The following U2AF2 variants were observed in gnomAD, a reference collection of about 807,000 sequenced individuals.
The protein encoded by U2AF2 is splicing factor U2AF 65 kDa subunit.
A neutral mutation model predicts 52.6 loss-of-function variants in U2AF2; 6 were observed. The observed-to-expected ratio is 0.11, with a 90% CI of 0.06 to 0.23. The LOEUF (loss-of-function observed/expected upper bound fraction) is 0.23. Ranked by LOEUF, U2AF2 falls within the 10% of genes least tolerant of loss-of-function variation. The pLI, the probability that U2AF2 is intolerant of heterozygous loss-of-function variation, is 1.00. For missense variants in U2AF2, 222 were observed against 677.1 expected (o/e 0.33, Z 7.46); for synonymous variants, 284 against 258.2 (o/e 1.10, Z -0.96).
Position 55,667,025 on chromosome 19 carries a change from C to A in U2AF2, c.743-1482C>A, listed in dbSNP as rs139231017. 8.1e-3 allele frequency among the ~76,000 whole-genome samples: 1,226 copies of A among 152,238 alleles called. 13 individuals carry two copies. Among genetic ancestry groups the A allele is most frequent in the Non-Finnish European group, 0.014 (950 of 68,008 alleles). On this transcript the variant is annotated intron_variant, in intron 7 of 11. Coordinates refer to ENST00000308924, the MANE Select transcript of U2AF2 (RefSeq NM_007279.3). ...ATGCCTGGCCCATGGGGTGAGTGCCCGGTGTGTGTTCCTGCTCCCGGGCTG... is the reference window on the plus strand; with the variant it reads ...ATGCCTGGCCCATGGGGTGAGTGCCAGGTGTGTGTTCCTGCTCCCGGGCTG...
intron 1 of U2AF2, 108 bp from the exon 2 acceptor site, chr19:55,659,102 T>A (rs1454031877): frequency 6.6e-6 from 9 of 1,364,016 alleles, no homozygotes; most frequent in Non-Finnish European, 8.6e-6. Flanking sequence ...CCCTTCCCTT[T>A]GGGGGTGGCC....
intron 1 of U2AF2, chr19:55,658,715 C>T (rs140666080): frequency 6.5e-6 from 1 of 153,440 alleles, no homozygotes; most frequent in Non-Finnish European, 1.5e-5. Context: ...TTGAGTTTCC[C>T]TGCTTCCTGG....
intron 1 of U2AF2, among the ~76,000 whole-genome samples, chr19:55,658,140 C>T (rs906573567): frequency 2.0e-5 from 3 of 152,180 alleles, no homozygotes; most frequent in Admixed American, 1.3e-4. Context: ...GCCCTTTCCT[C>T]CTCTTGTCCC....
At chr19:55,664,579 G>A (rs1225226615) in intron 7 of U2AF2, among the ~76,000 whole-genome samples, 2 of 152,182 alleles carry the variant, frequency 1.3e-5, no homozygotes, top group African/African-American at 2.4e-5. Context: ...GGTTCTGCTG[G>A]CGGGTACTCA....
At chr19:55,673,604 TGGAGTAGACACTCAGCACGAG>T (rs1985073071) in intron 11 of U2AF2, among the ~76,000 whole-genome samples, 1 of 152,194 alleles carries the variant, frequency 6.6e-6, no homozygotes. Context: ...GTGGCTCGTG[TGGAGTAGACACTCAGCACGAG>T]GGACCCCTCC....
In U2AF2 at chr19:55,655,069, C is replaced by G. The variant is rs776138443; in HGVS notation, c.-36C>G. On this transcript the variant is annotated 5_prime_UTR_variant, in exon 1 of 12. Coordinates refer to ENST00000308924, the MANE Select transcript of U2AF2 (RefSeq NM_007279.3). ...GGCTGGAGCGGGCGGCAAGGCGAGG[C>G]GAAAGCTGCACAGGGCCCTACGCGG... The G allele has an allele frequency of 2.3e-5, 37 of 1,604,880 alleles. No individual in the cohort carries two copies. The highest frequency in any genetic ancestry group is 2.3e-5 in the East Asian group (1 of 43,846).
intron 1 of U2AF2, among the ~76,000 whole-genome samples, chr19:55,655,752 G>C (rs918531955): frequency 2.0e-5 from 3 of 152,224 alleles, no homozygotes; most frequent in African/African-American, 7.2e-5. Context: ...CCGCCAGGTG[G>C]TTTCTGCCCC....
chr19:55,668,448 C>T lies in U2AF2; in HGVS notation c.743-59C>T. 1 of 1,495,720 alleles carries T rather than the reference C, an allele frequency of 6.7e-7. No individual in the cohort carries two copies. Among genetic ancestry groups the T allele is most frequent in the Non-Finnish European group, 9.0e-7 (1 of 1,105,394 alleles). The allele number at this position is 1,495,720 out of a possible 1,614,324, so 92.7% of individuals were successfully genotyped here. Reference sequence around the variant, plus strand: ...AATTGAGGAGCTCGCCGTAGACTGTCCAGGTTTTGGGAGATAACCTGGTAC... The same window carrying T: ...AATTGAGGAGCTCGCCGTAGACTGTTCAGGTTTTGGGAGATAACCTGGTAC... On this transcript the variant is annotated intron_variant, in intron 7 of 11. Transcript: ENST00000308924. The surrounding 1 kb of genome is among the most constrained non-coding windows in gnomAD (Gnocchi z 5.5).
chr19:55,655,244 CT>C, intron 1 of U2AF2, 91 bp downstream of exon 1: 1 of 1,414,954 alleles, frequency 7.1e-7, no homozygotes. Context: ...CTTCCCCCCA[CT>C]TCACGGCCGC....
chr19:55,664,321 G>A (rs1374676516), intron 7 of U2AF2, among the ~76,000 whole-genome samples: 4 of 152,224 alleles, frequency 2.6e-5, no homozygotes, highest in African/African-American at 9.6e-5. Flanking sequence ...GCGTGGGCCT[G>A]GCTGTGTGCC....
At chr19:55,655,540 C>T (rs1333360107) in intron 1 of U2AF2, among the ~76,000 whole-genome samples, 1 of 152,280 alleles carries the variant, frequency 6.6e-6, no homozygotes, top group East Asian at 1.9e-4. Flanking sequence ...CTCCCGCTGC[C>T]TTGGCACTTC....
rs1984115704 is a variant in U2AF2, at chr19:55,660,542, A to G, written c.257A>G (p.Lys86Arg). 6.2e-7 allele frequency: 1 copy of G among 1,607,194 alleles called. No individual in the cohort carries two copies. Among genetic ancestry groups the G allele is most frequent in the Non-Finnish European group, 8.5e-7 (1 of 1,176,698 alleles). The change falls in exon 4 of 12, where the codon AAG (lysine) becomes AGG (arginine). Residue 86 changes from lysine (K) to arginine (R), a missense_variant. Transcript: ENST00000308924. ...CGTTCCCCCCGCCACGAGAAGAAGA[A>G]GAAGGTCCGTAAATACTGGGACGTG... ...LIRSPRHEKK[K>R]KVRKYWDVPP...
chr19:55,660,533 A>T lies in U2AF2; in HGVS notation c.248A>T (p.Glu83Val). The T allele has an allele frequency of 5.7e-6, 6 of 1,052,906 alleles. No individual in the cohort carries two copies. Among genetic ancestry groups the T allele is most frequent in the Non-Finnish European group, 5.2e-6 (4 of 771,396 alleles). 65.2% of individuals were successfully genotyped at this position (1,052,906 alleles called of 1,614,324 possible). The change falls in exon 4 of 12, where the codon GAG becomes GTG. Residue 83 changes from glutamate to valine, a missense_variant. By Grantham distance (121) the Glu-to-Val change is moderately radical. Transcript: ENST00000308924. ...TCCCCCAGTCGTTCCCCCCGCCACG[A>T]GAAGAAGAAGAAGGTCCGTAAATAC... is the stretch of plus-strand genomic sequence containing the variant. ...HGGLIRSPRH[E>V]KKKKVRKYWD...
chr19:55,658,304 C>T (rs906511450), intron 1 of U2AF2, among the ~76,000 whole-genome samples: 2 of 149,608 alleles, frequency 1.3e-5, no homozygotes, highest in Non-Finnish European at 3.0e-5. Context: ...CCCCCGCCCC[C>T]CCATGCTCAT....
chr19:55,660,912 G>C, intron 4 of U2AF2, 126 bp from the exon 5 acceptor site: 1 of 1,436,984 alleles, frequency 7.0e-7, no homozygotes, highest in Non-Finnish European at 9.2e-7. Context: ...GAGGGTTCTG[G>C]AAGGTGCTAA....
At chr19:55,666,104 T>C (rs532884565) in intron 7 of U2AF2, among the ~76,000 whole-genome samples, 1 of 152,306 alleles carries the variant, frequency 6.6e-6, no homozygotes, top group African/African-American at 2.4e-5. Context: ...TTGACTCTTC[T>C]GAAGGTGATG....
At position 55,655,084 on chromosome 19, in the gene U2AF2, G is replaced by A. The variant is rs751755361; in HGVS notation, c.-21G>A. On this transcript the variant is annotated 5_prime_UTR_variant, in exon 1 of 12. Transcript: ENST00000308924. The stretch of plus-strand genomic sequence containing the variant: ...CAAGGCGAGGCGAAAGCTGCACAGG[G>A]CCCTACGCGGCCGCCTCAGCATGTC... The A allele has an allele frequency of 5.6e-6, 9 of 1,605,802 alleles. No homozygotes were observed. Among genetic ancestry groups the A allele is most frequent in the Non-Finnish European group, 8.5e-7 (1 of 1,177,438 alleles).
At chr19:55,655,636 T>C (rs767554342) in intron 1 of U2AF2, among the ~76,000 whole-genome samples, 13 of 152,166 alleles carry the variant, frequency 8.5e-5, no homozygotes, top group Non-Finnish European at 1.6e-4. Context: ...GGGGGCCCCT[T>C]TCCTTCCTTC....
chr19:55,666,247 A>G (rs1984543048), intron 7 of U2AF2, among the ~76,000 whole-genome samples: 1 of 152,202 alleles, frequency 6.6e-6, no homozygotes, highest in South Asian at 2.1e-4. Context: ...AGATGAGGAA[A>G]GAGCTTCGGG....
Sources: gnomAD v4.1 joint callset for allele counts (sites outside exome capture counted in the v4.1 genomes callset) on GRCh38, gnomAD v4.1.1 for gene constraint, Gnocchi (gnomAD v3.1) non-coding constraint, MANE v1.5 for transcripts, NCBI Gene and HGNC (gene_info 2026-07-23, HGNC 2026-07-21) for gene names.